Variants in KDM4C observed in about 807,000 individuals in gnomAD.
KDM4C encodes lysine-specific demethylase 4C.
Under a neutral mutation model 129.3 loss-of-function variants are expected in KDM4C, and 81 were observed. That is an observed-to-expected ratio of 0.63 (90% CI 0.52 to 0.75). The LOEUF is 0.75. KDM4C is among the 30% of genes least tolerant of loss of function. The pLI, the probability that KDM4C is intolerant of heterozygous loss-of-function variation, is 0.00. For missense variants in KDM4C, 1,457 were observed against 1,304.0 expected, an observed-to-expected ratio of 1.12 and a Z score of -1.81; for synonymous variants, 573 against 456.1, an observed-to-expected ratio of 1.26 and a Z score of -3.26.
Position 6,758,094 on chromosome 9 carries a change from A to G in KDM4C, c.-127A>G, listed in dbSNP as rs549111903. On this transcript the variant is annotated 5_prime_UTR_variant, in exon 1 of 22. Coordinates refer to ENST00000381309, the MANE Select transcript of KDM4C (RefSeq NM_015061.6). The surrounding 1 kb of genome is among the most constrained non-coding windows in gnomAD (Gnocchi z 4.6). ...TGCGCGTGCGCAGCGAACAGCTGTC[A>G]CCTAGTGCGGAACAAGTCTCCCAAA... is the stretch of plus-strand genomic sequence containing the variant. 1.7e-5 allele frequency: 17 copies of G among 985,426 alleles called. No individual in the cohort carries two copies. In the African/African-American group the frequency reaches 2.6e-4, roughly 15 times the overall value. The allele number at this position is 985,426 out of a possible 1,614,324, so 61.0% of individuals were successfully genotyped here. A position where few individuals can be genotyped will look rare whatever the true frequency, so the allele number is the denominator to read the frequency against.
At chr9:6,773,665 G>C (rs1156825668) in intron 1 of KDM4C, among the ~76,000 whole-genome samples, 1 of 151,926 alleles carries the variant, frequency 6.6e-6, no homozygotes. Flanking sequence ...CAGCTGCTCA[G>C]GTCGCTGAGG....
intron 3 of KDM4C, among the ~76,000 whole-genome samples, chr9:6,814,260 G>C (rs143794493): frequency 1.5e-3 from 231 of 152,158 alleles, no homozygotes; most frequent in African/African-American, 5.2e-3. Context: ...TTGTTTGTCA[G>C]TGTTTCTCTA....
chr9:6,886,657 A>T (rs1055579323), intron 6 of KDM4C, among the ~76,000 whole-genome samples: 1 of 151,650 alleles, frequency 6.6e-6, no homozygotes, highest in African/African-American at 2.4e-5. Context: ...ATGCCTCGCT[A>T]ATTTTTTTGT....
intron 1 of KDM4C, among the ~76,000 whole-genome samples, chr9:6,777,467 CT>C (rs35627584): frequency 6.6e-6 from 1 of 152,178 alleles, no homozygotes; most frequent in African/African-American, 2.4e-5. Flanking sequence ...TGTGGGAGGA[CT>C]TTTAGAATGA....
intron 17 of KDM4C, among the ~76,000 whole-genome samples, chr9:7,082,719 T>G (rs914666275): frequency 2.6e-5 from 4 of 152,146 alleles, no homozygotes; most frequent in African/African-American, 4.8e-5. Context: ...TTAGAGCTGC[T>G]TCCTTGAAGG....
rs921435910 is a variant in KDM4C, at chr9:6,839,683, G to GA, written c.436-9823dup. On this transcript the variant is annotated intron_variant, in intron 4 of 21. Transcript: ENST00000381309. ...GCACTTTTGGAGGCCGAGGCAGGAGGATCACTTGAGGTCAGGAGACCAGCC... is the reference window on the plus strand; with the variant it reads ...GCACTTTTGGAGGCCGAGGCAGGAGGAATCACTTGAGGTCAGGAGACCAGCC... Among the ~76,000 whole-genome samples, 8 of 152,188 alleles carry GA rather than the reference G, an allele frequency of 5.3e-5. No individual in the cohort carries two copies. The East Asian group carries it at 7.7e-4, about 15-fold the overall frequency.
At chr9:7,108,429 G>C (rs961840326) in intron 18 of KDM4C, among the ~76,000 whole-genome samples, 1 of 152,064 alleles carries the variant, frequency 6.6e-6, no homozygotes, top group Non-Finnish European at 1.5e-5. Flanking sequence ...TAGAGACTGG[G>C]TTGTACCATG....
chr9:7,128,096 G>C lies in KDM4C; in HGVS notation c.2641G>C (p.Val881Leu). 1 of 1,592,130 alleles carries C rather than the reference G, an allele frequency of 6.3e-7. No individual in the cohort carries two copies. The highest frequency in any genetic ancestry group is 8.5e-7 in the Non-Finnish European group (1 of 1,171,122). Residue 881 changes from valine to leucine, a missense_variant, in exon 19 of 22, where the codon GTG (valine) becomes CTG (leucine). By Grantham distance (32) the Val-to-Leu change is conservative. Transcript: ENST00000381309. ...KSKACEKVIS[V>L]GQTVITKHRN... ...CAAGGCTTGCGAGAAGGTCATTTCC[G>C]TGGGTCAAACGGTCATCACGAAGCA...
intron 8 of KDM4C, among the ~76,000 whole-genome samples, chr9:6,923,420 T>C (rs574323030): frequency 1.3e-5 from 2 of 152,338 alleles, no homozygotes; most frequent in East Asian, 3.9e-4. Flanking sequence ...GGCTATCTTA[T>C]GAGCGCAGCT....
chr9:6,962,279 G>T (rs966577288), intron 8 of KDM4C, among the ~76,000 whole-genome samples: 2 of 152,168 alleles, frequency 1.3e-5, no homozygotes, highest in Non-Finnish European at 2.9e-5. Flanking sequence ...GTTTAATCTA[G>T]CTAGCAGTAA....
At chr9:6,996,044 T>C (rs1401603291) in intron 12 of KDM4C, among the ~76,000 whole-genome samples, 1 of 152,238 alleles carries the variant, frequency 6.6e-6, no homozygotes, top group East Asian at 1.9e-4. Flanking sequence ...TGCATAGTGG[T>C]GAAGTCTGGA....
chr9:6,769,663 CAA>C (rs1821352669), intron 1 of KDM4C, among the ~76,000 whole-genome samples: 1 of 152,098 alleles, frequency 6.6e-6, no homozygotes, highest in Non-Finnish European at 1.5e-5. Flanking sequence ...CGTCAGTACT[CAA>C]AGAGTTGTCA....
chr9:6,776,028 A>G (rs1197753781), intron 1 of KDM4C, among the ~76,000 whole-genome samples: 1 of 152,214 alleles, frequency 6.6e-6, no homozygotes, highest in African/African-American at 2.4e-5. Context: ...TGATACATGA[A>G]CAATTAAAAA....
intron 4 of KDM4C, 85 bp downstream of exon 4, chr9:6,814,830 T>C (rs1831785471): frequency 5.2e-6 from 4 of 762,832 alleles, no homozygotes; most frequent in Non-Finnish European, 8.4e-6. Flanking sequence ...AAGTGTTCTT[T>C]TGTTGTGCTT....
chr9:7,072,661 G>C (rs148578374), intron 17 of KDM4C, among the ~76,000 whole-genome samples: 1 of 152,342 alleles, frequency 6.6e-6, no homozygotes, highest in East Asian at 1.9e-4. Context: ...TTTTTGTGCT[G>C]ATGGCACTGT....
chr9:6,961,087 T>C (rs1829967938), intron 8 of KDM4C, among the ~76,000 whole-genome samples: 1 of 152,244 alleles, frequency 6.6e-6, no homozygotes, highest in Non-Finnish European at 1.5e-5. Flanking sequence ...GTAGTGCCTC[T>C]TGAATAGCCA....
intron 8 of KDM4C, among the ~76,000 whole-genome samples, chr9:6,973,166 A>G (rs73397837): frequency 0.056 from 8,522 of 152,252 alleles, 412 homozygotes; most frequent in East Asian, 0.16. Flanking sequence ...TTTCAAAAAC[A>G]TGAGTTGTTT....
intron 8 of KDM4C, among the ~76,000 whole-genome samples, chr9:6,910,089 T>TC (rs1464346501): frequency 6.6e-6 from 1 of 152,192 alleles, no homozygotes; most frequent in African/African-American, 2.4e-5. Flanking sequence ...TAAAATGTAC[T>TC]TGAATATTTT....
chr9:6,771,078 A>ATTTTTTT (rs1821730028), intron 1 of KDM4C, among the ~76,000 whole-genome samples: 4 of 84,638 alleles, frequency 4.7e-5, no homozygotes, highest in South Asian at 3.6e-4. Context: ...CCGACTGTGA[A>ATTTTTTT]TCTTTTTTTT....
Sources: allele counts gnomAD v4.1 joint callset (sites outside exome capture counted in the v4.1 genomes callset), GRCh38; gene constraint gnomAD v4.1.1; non-coding constraint Gnocchi (gnomAD v3.1); transcripts MANE v1.5; gene names NCBI Gene and HGNC (gene_info 2026-07-23, HGNC 2026-07-21).